ATP8A2: variants seen among roughly 807,000 people sequenced by gnomAD.
ATP8A2 encodes the protein phospholipid-transporting ATPase IB.
ATP8A2 carries 100 observed loss-of-function variants against 165.6 expected under a neutral mutation model. The ratio of observed to expected loss-of-function variants is 0.60; its 90% CI spans 0.51 to 0.71. The LOEUF (loss-of-function observed/expected upper bound fraction) is 0.71. Among genes scored for constraint, ATP8A2 ranks in the 30% least tolerant of loss-of-function variants. The pLI is 0.00. For missense variants in ATP8A2, 1,227 were observed against 1,479.5 expected, an observed-to-expected ratio of 0.83 and a Z score of 2.80; for synonymous variants, 543 against 548.8, an observed-to-expected ratio of 0.99 and a Z score of 0.15.
intron 33 of ATP8A2, among the ~76,000 whole-genome samples, chr13:25,900,801 G>T (rs1372068090): frequency 6.6e-6 from 1 of 152,196 alleles, no homozygotes; most frequent in Non-Finnish European, 1.5e-5. Context: ...CTAAGCAAAG[G>T]GGTGGGAAGG....
chr13:25,796,883 A>G (rs1950508896), intron 27 of ATP8A2, among the ~76,000 whole-genome samples: 1 of 152,200 alleles, frequency 6.6e-6, no homozygotes, highest in African/African-American at 2.4e-5. Context: ...TGGCTATTTA[A>G]AAGTTTATAC....
intron 33 of ATP8A2, among the ~76,000 whole-genome samples, chr13:25,871,673 T>G (rs1001123847): frequency 6.6e-6 from 1 of 152,190 alleles, no homozygotes; most frequent in Admixed American, 6.5e-5. Flanking sequence ...AGGGGATATT[T>G]TCAGTGACTA....
chr13:25,878,525 G>T (rs1324137274), intron 33 of ATP8A2, among the ~76,000 whole-genome samples: 8 of 126,388 alleles, frequency 6.3e-5, no homozygotes, highest in Admixed American at 3.4e-4. Context: ...GGTCGTACCT[G>T]TCACCATCTT....
intron 36 of ATP8A2, among the ~76,000 whole-genome samples, 174 bp downstream of exon 36, chr13:26,012,796 G>A (rs570279632): frequency 1.3e-5 from 2 of 152,012 alleles, no homozygotes; most frequent in African/African-American, 4.8e-5. Flanking sequence ...CCCCAGGAAC[G>A]TGCAGCTTGA....
At chr13:25,788,100 A>G (rs898799660) in intron 27 of ATP8A2, among the ~76,000 whole-genome samples, 6 of 152,194 alleles carry the variant, frequency 3.9e-5, no homozygotes, top group African/African-American at 1.4e-4. Context: ...TGTGGGACCT[A>G]GTTTCCAGCT....
chr13:25,445,491 C>T (rs945282349), intron 1 of ATP8A2, among the ~76,000 whole-genome samples: 23 of 152,130 alleles, frequency 1.5e-4, no homozygotes, highest in African/African-American at 5.6e-4. Flanking sequence ...TACAATATTC[C>T]CAGCACAAAG....
At chr13:25,986,065 T>TC (rs199518748) in intron 35 of ATP8A2, among the ~76,000 whole-genome samples, 1 of 152,212 alleles carries the variant, frequency 6.6e-6, no homozygotes, top group Admixed American at 6.5e-5. Context: ...TCTTTTTTTT[T>TC]CTCTTCAGCT....
At chr13:25,896,568 G>A (rs570923770) in intron 33 of ATP8A2, among the ~76,000 whole-genome samples, 3 of 152,318 alleles carry the variant, frequency 2.0e-5, no homozygotes, top group East Asian at 3.9e-4. Flanking sequence ...GCAGAGCTGA[G>A]TTCAATTCCT....
chr13:25,676,640 C>T (rs940490187), intron 24 of ATP8A2, among the ~76,000 whole-genome samples: 6 of 151,890 alleles, frequency 4.0e-5, no homozygotes, highest in African/African-American at 1.5e-4. Flanking sequence ...TTGAAGTTTG[C>T]CAAGTGGAAA....
chr13:25,613,953 T>C (rs1314822716), intron 24 of ATP8A2, among the ~76,000 whole-genome samples: 1 of 152,176 alleles, frequency 6.6e-6, no homozygotes, highest in Non-Finnish European at 1.5e-5. Flanking sequence ...TGCTTTTGCC[T>C]CACAGCTCTT....
At chr13:25,771,783 A>G (rs953334183) in intron 26 of ATP8A2, among the ~76,000 whole-genome samples, 1 of 152,152 alleles carries the variant, frequency 6.6e-6, no homozygotes. Context: ...GGTTCCTGCT[A>G]ACCTCATAAC....
chr13:25,865,531 ATTTC>A (rs1419189319), intron 33 of ATP8A2, among the ~76,000 whole-genome samples: 1 of 152,178 alleles, frequency 6.6e-6, no homozygotes, highest in East Asian at 1.9e-4. Context: ...TTGATTAAAT[ATTTC>A]TTTGTCTTGT....
chr13:25,664,843 G>A (rs2042118350), intron 24 of ATP8A2, among the ~76,000 whole-genome samples: 1 of 152,004 alleles, frequency 6.6e-6, no homozygotes, highest in Admixed American at 6.6e-5. Context: ...GCGGTAACAT[G>A]GGACATAACT....
At chr13:25,794,424 C>G (rs890259259) in intron 27 of ATP8A2, among the ~76,000 whole-genome samples, 1 of 152,152 alleles carries the variant, frequency 6.6e-6, no homozygotes, top group African/African-American at 2.4e-5. Flanking sequence ...AAATGACACC[C>G]TTTCGTATGA....
At chr13:25,451,096 A>G (rs1689622707) in intron 1 of ATP8A2, among the ~76,000 whole-genome samples, 1 of 150,960 alleles carries the variant, frequency 6.6e-6, no homozygotes, top group Non-Finnish European at 1.5e-5. Context: ...AATGCATTAG[A>G]CCCCCATGAG....
At chr13:25,801,217 G>A (rs1278599847) in intron 27 of ATP8A2, among the ~76,000 whole-genome samples, 2 of 152,118 alleles carry the variant, frequency 1.3e-5, no homozygotes, top group South Asian at 2.1e-4. Context: ...TGCAGTCTGC[G>A]CTCCCTCTTC....
chr13:25,763,339 C>T (rs2044422892), intron 25 of ATP8A2, among the ~76,000 whole-genome samples: 1 of 152,188 alleles, frequency 6.6e-6, no homozygotes, highest in Admixed American at 6.5e-5. Flanking sequence ...GAACTGCTCT[C>T]ACCTTTCCTT....
At chr13:25,420,936 TAAGAA>T (rs2034281098) in intron 1 of ATP8A2, among the ~76,000 whole-genome samples, 1 of 152,212 alleles carries the variant, frequency 6.6e-6, no homozygotes, top group Admixed American at 6.5e-5. Flanking sequence ...CTACCTACTT[TAAGAA>T]ATTACTTCCA....
At chr13:25,650,711 G>A (rs747323209) in intron 24 of ATP8A2, among the ~76,000 whole-genome samples, 2 of 152,002 alleles carry the variant, frequency 1.3e-5, no homozygotes, top group Non-Finnish European at 2.9e-5. Flanking sequence ...ACATTGTTTC[G>A]AGTGTATCAA....
Sources: gnomAD v4.1 joint callset for allele counts (sites outside exome capture counted in the v4.1 genomes callset) on GRCh38, gnomAD v4.1.1 for gene constraint, MANE v1.5 for transcripts, NCBI Gene and HGNC (gene_info 2026-07-23, HGNC 2026-07-21) for gene names.